Variants in DNAH7 observed in about 807,000 individuals in gnomAD.
The protein encoded by DNAH7 is dynein axonemal heavy chain 7, also known as axonemal beta dynein heavy chain 7.
A neutral mutation model predicts 444.6 loss-of-function variants in DNAH7; 397 were observed. The observed-to-expected ratio is 0.89, with a 90% CI of 0.82 to 0.97. DNAH7 has a LOEUF of 0.97. Among genes scored for constraint, DNAH7 ranks in the 50% least tolerant of loss-of-function variants. The pLI, the probability that DNAH7 is intolerant of heterozygous loss-of-function variation, is 0.00. For synonymous variants in DNAH7, 1,636 were observed against 1,624.4 expected (o/e 1.01, Z -0.17); for missense variants, 4,902 against 4,800.8 (o/e 1.02, Z -0.62).
Position 195,787,071 on chromosome 2 carries a change from A to C in DNAH7, c.10817T>G (p.Phe3606Cys), listed in dbSNP as rs1327780501. The change falls in exon 58 of 65, where the codon TTC becomes TGC. Residue 3606 changes from phenylalanine to cysteine, a missense_variant. Phe to Cys is a radical substitution (Grantham distance 205). Transcript: ENST00000312428. The stretch of plus-strand genomic sequence containing the variant: ...GCTGATTCTCAGATCTGTCTCATTG[A>C]ACTCATAAGGAATATTCCACCCTAG... ...GPLGWNIPYEFNETDLRISVQ... is the reference protein window; with the variant it reads ...GPLGWNIPYECNETDLRISVQ... 6.2e-7 allele frequency: 1 copy of C among 1,612,206 alleles called. No individual in the cohort carries two copies. Among genetic ancestry groups the C allele is most frequent in the African/African-American group, 1.3e-5 (1 of 74,814 alleles).
At position 195,926,579 on chromosome 2, in the gene DNAH7, G is replaced by T. The variant is rs374438011; in HGVS notation, c.3472-13C>A. On this transcript the variant is annotated splice_polypyrimidine_tract_variant and intron_variant, in intron 21 of 64. Transcript: ENST00000312428. The stretch of plus-strand genomic sequence containing the variant: ...CATCTCCAGTTACCTAATCAAAAAA[G>T]AATATGCTAAATATTAACCATTTCC... 8 of 1,578,092 alleles carry T rather than the reference G, an allele frequency of 5.1e-6. No homozygotes were observed. Among genetic ancestry groups the T allele is most frequent in the Non-Finnish European group, 6.0e-6 (7 of 1,165,302 alleles).
intron 10 of DNAH7, among the ~76,000 whole-genome samples, chr2:196,011,996 G>T (rs553602473): frequency 6.6e-6 from 1 of 151,998 alleles, no homozygotes; most frequent in East Asian, 1.9e-4. Flanking sequence ...AAAATAAAAG[G>T]CTAAAGTTTT....
At chr2:195,900,696 T>G in intron 27 of DNAH7, 1 of 501,960 alleles carries the variant, frequency 2.0e-6, no homozygotes. Flanking sequence ...AATGCAAAAT[T>G]TCAGGTACAT....
intron 42 of DNAH7, 22 bp from the exon 43 acceptor site, chr2:195,858,826 A>G (rs757677970): frequency 1.3e-6 from 2 of 1,570,924 alleles, no homozygotes; most frequent in Non-Finnish European, 1.7e-6. Flanking sequence ...TAGATAAAAC[A>G]AAGTTAATCA....
At chr2:195,982,301 A>C (rs964027366) in intron 15 of DNAH7, among the ~76,000 whole-genome samples, 1 of 152,198 alleles carries the variant, frequency 6.6e-6, no homozygotes, top group Non-Finnish European at 1.5e-5. Context: ...TCCAGTTAAA[A>C]TGGCTTTTAT....
In DNAH7 at chr2:195,926,409, G is replaced by T; in HGVS notation, c.3612+17C>A. ...GAAAAAATGCTTAAAAAAACCCGAG[G>T]GTTAATAAAACCTTACCTTTATCCC... On this transcript the variant is annotated intron_variant, in intron 22 of 64. Transcript: ENST00000312428. 1 of 1,485,780 alleles carries T rather than the reference G, an allele frequency of 6.7e-7. No individual in the cohort carries two copies. Among genetic ancestry groups the T allele is most frequent in the Non-Finnish European group, 8.9e-7 (1 of 1,119,992 alleles). 92.0% of individuals were successfully genotyped at this position (1,485,780 alleles called of 1,614,324 possible). A position where few individuals can be genotyped will look rare whatever the true frequency, so the allele number is the denominator to read the frequency against.
intron 9 of DNAH7, among the ~76,000 whole-genome samples, chr2:196,018,818 A>G (rs533321287): frequency 6.6e-6 from 1 of 152,286 alleles, no homozygotes; most frequent in Admixed American, 6.5e-5. Flanking sequence ...CTAAAGGAGT[A>G]TAACTGGATT....
Position 195,857,469 on chromosome 2 carries a change from T to C in DNAH7, c.8322A>G (p.Pro2774=). The C allele has an allele frequency of 6.2e-7, 1 of 1,613,594 alleles. No individual in the cohort carries two copies. Among genetic ancestry groups the C allele is most frequent in the Non-Finnish European group, 8.5e-7 (1 of 1,179,844 alleles). ...YMNIIRKNYI[P]NPDFVPEKIR... ...TTTTTTCTGGTACAAAATCTGGATT[T>C]GGAATATAATTTTTTCTTATGATAT... Residue 2774 remains proline, a synonymous_variant, in exon 44 of 65, where the codon CCA becomes CCG. Coordinates refer to ENST00000312428, the MANE Select transcript of DNAH7 (RefSeq NM_018897.3).
At chr2:195,766,058 C>T (rs563464512) in intron 61 of DNAH7, among the ~76,000 whole-genome samples, 1 of 151,826 alleles carries the variant, frequency 6.6e-6, no homozygotes, top group South Asian at 2.1e-4. Flanking sequence ...AGAATGAGAT[C>T]CTGTCATTTG....
intron 57 of DNAH7, among the ~76,000 whole-genome samples, chr2:195,789,600 T>C (rs180804532): frequency 2.6e-5 from 4 of 152,154 alleles, no homozygotes; most frequent in Non-Finnish European, 4.4e-5. Context: ...GCAGTTATTA[T>C]ACAGTGAGGA....
chr2:195,944,675 A>G lies in DNAH7; in HGVS notation c.3079-7883T>C, dbSNP rs1389344692. On this transcript the variant is annotated intron_variant, in intron 19 of 64. Transcript: ENST00000312428. ...CTAGAAAGGCCATGAATTAAATTAC[A>G]TTGAAATTTGGTGACCTATTGAATC... is the stretch of plus-strand genomic sequence containing the variant. Among the ~76,000 whole-genome samples, 3 of 152,124 alleles carry G rather than the reference A, an allele frequency of 2.0e-5. No individual in the cohort carries two copies. The East Asian group carries it at 5.8e-4, about 29-fold the overall frequency.
chr2:196,014,341 T>A (rs1694888567), intron 9 of DNAH7, among the ~76,000 whole-genome samples: 1 of 152,184 alleles, frequency 6.6e-6, no homozygotes, highest in African/African-American at 2.4e-5. Flanking sequence ...TGATGAGTCT[T>A]CTAATCACCA....
Position 195,754,406 on chromosome 2 carries a change from G to T in DNAH7, c.11695C>A (p.Pro3899Thr), listed in dbSNP as rs1257704060. ...TAGTCAAACCCAAGAAGATCAATAG[G>T]AATTGTGTATTTCCTGGCGTAGTTC... ...QQNYARKYTI[P>T]IDLLGFDYEV... Residue 3899 changes from proline (P) to threonine (T), a missense_variant, in exon 63 of 65, where the codon CCT becomes ACT. Physicochemically the swap from Pro to Thr is conservative, Grantham distance 38. Transcript: ENST00000312428. The T allele has an allele frequency of 1.2e-6, 2 of 1,613,974 alleles. No homozygotes were observed. Among genetic ancestry groups the T allele is most frequent in the Admixed American group, 3.3e-5 (2 of 59,994 alleles).
Position 195,756,040 on chromosome 2 carries a change from A to C in DNAH7, c.11586+93T>G, listed in dbSNP as rs1485305564. The C allele has an allele frequency of 2.2e-5, 29 of 1,328,488 alleles. 1 individual carries two copies. The highest frequency in any genetic ancestry group is 1.9e-4 in the East Asian group (8 of 41,146). The allele number at this position is 1,328,488 out of a possible 1,614,324, so 82.3% of individuals were successfully genotyped here. On this transcript the variant is annotated intron_variant, in intron 62 of 64. Coordinates refer to ENST00000312428, the MANE Select transcript of DNAH7 (RefSeq NM_018897.3). The stretch of plus-strand genomic sequence containing the variant: ...ATTTGTGCCTGGGATGCACAGAAAA[A>C]CTAGAGAGTAATACTCATTACATTA...
intron 28 of DNAH7, among the ~76,000 whole-genome samples, chr2:195,898,875 C>T (rs1686521824): frequency 6.6e-6 from 1 of 152,230 alleles, no homozygotes. Flanking sequence ...ATAATGTTCA[C>T]ATGAATTTAC....
intron 60 of DNAH7, among the ~76,000 whole-genome samples, chr2:195,773,432 A>G (rs1559085591): frequency 6.9e-6 from 1 of 145,680 alleles, no homozygotes; most frequent in African/African-American, 2.5e-5. Context: ...AAAAAAAAAA[A>G]CAAATCCAGG....
chr2:195,997,463 CGA>C (rs893374068), intron 12 of DNAH7, among the ~76,000 whole-genome samples: 2 of 152,042 alleles, frequency 1.3e-5, no homozygotes, highest in African/African-American at 4.8e-5. Context: ...TCCAGTGAGC[CGA>C]GATCACATCA....
At chr2:195,761,063 T>C (rs1051670802) in intron 61 of DNAH7, among the ~76,000 whole-genome samples, 5 of 151,850 alleles carry the variant, frequency 3.3e-5, no homozygotes, top group Non-Finnish European at 7.4e-5. Context: ...AATAAGTGTT[T>C]TGAGGAAATG....
rs575366240 is a variant in DNAH7, at chr2:195,754,464, G to C, written c.11637C>G (p.Phe3879Leu). 9 of 1,614,074 alleles carry C rather than the reference G, an allele frequency of 5.6e-6. No individual in the cohort carries two copies. In the South Asian group the frequency reaches 6.6e-5, roughly 12 times the overall value. ...CACCGGTCAGGAAGGCTTGTGTGAAGAAGAAGCCAGAAAGCCAGAAGACTG... is the reference window on the plus strand; with the variant it reads ...CACCGGTCAGGAAGGCTTGTGTGAACAAGAAGCCAGAAAGCCAGAAGACTG... The part of the protein sequence containing the change: ...PPPVFWLSGF[F>L]FTQAFLTGAQ... Residue 3879 changes from phenylalanine (F) to leucine (L), a missense_variant, in exon 63 of 65, where the codon TTC becomes TTG. Transcript: ENST00000312428.
Sources: allele counts gnomAD v4.1 joint callset (sites outside exome capture counted in the v4.1 genomes callset), GRCh38; gene constraint gnomAD v4.1.1; transcripts MANE v1.5; gene names NCBI Gene and HGNC (gene_info 2026-07-23, HGNC 2026-07-21).